Variants in ADAMTS9 observed in about 807,000 individuals in gnomAD.
ADAMTS9 encodes the protein A disintegrin and metalloproteinase with thrombospondin motifs 9.
A neutral mutation model predicts 257.1 loss-of-function variants in ADAMTS9; 107 were observed. The ratio of observed to expected loss-of-function variants is 0.42; its 90% confidence interval spans 0.36 to 0.49. The LOEUF is 0.49. ADAMTS9 is among the 20% of genes least tolerant of loss of function. The probability of loss-of-function intolerance (pLI) is 0.03; values close to 1 mark genes in which losing one functional copy is unlikely to be tolerated. For synonymous variants in ADAMTS9, 982 were observed against 880.9 expected (o/e 1.11, Z -2.03); for missense variants, 2,353 against 2,469.1 (o/e 0.95, Z 1.00).
At position 64,631,569 on chromosome 3, in the gene ADAMTS9, A is replaced by G. The variant is rs567307225; in HGVS notation, c.2294-19T>C. ...TTGTAACCTGAAAAGAATTTAGCAGAAATTCAGTACTCCACAGAATGGTTC... is the reference window on the plus strand; with the variant it reads ...TTGTAACCTGAAAAGAATTTAGCAGGAATTCAGTACTCCACAGAATGGTTC... On this transcript the variant is annotated intron_variant, in intron 15 of 39. Coordinates refer to ENST00000498707, the MANE Select transcript of ADAMTS9 (RefSeq NM_182920.2). The G allele has an allele frequency of 6.3e-7, 1 of 1,591,046 alleles. No homozygotes were observed. The highest frequency in any genetic ancestry group is 1.1e-5 in the South Asian group (1 of 90,592).
intron 3 of ADAMTS9, among the ~76,000 whole-genome samples, chr3:64,673,184 G>A (rs1701533950): frequency 6.6e-6 from 1 of 152,104 alleles, no homozygotes; most frequent in Non-Finnish European, 1.5e-5. Context: ...ATGCATGACG[G>A]CACTGTAAAT....
intron 20 of ADAMTS9, 150 bp from the exon 21 acceptor site, chr3:64,615,635 T>A: frequency 1.1e-6 from 1 of 896,058 alleles, no homozygotes; most frequent in Non-Finnish European, 1.6e-6. Context: ...TTTCATGTTA[T>A]CAGTTTGCTT....
intron 12 of ADAMTS9, among the ~76,000 whole-genome samples, chr3:64,637,800 G>C (rs957949216): frequency 7.9e-5 from 12 of 152,190 alleles, no homozygotes; most frequent in Non-Finnish European, 1.6e-4. Flanking sequence ...AGATTAGATG[G>C]GATGGGGTGG....
At chr3:64,599,611 C>T (rs12496008) in intron 26 of ADAMTS9, among the ~76,000 whole-genome samples, 34,578 of 152,078 alleles carry the variant, frequency 0.23, 4,402 homozygotes, top group Non-Finnish European at 0.27. Context: ...AGGTGGGCAA[C>T]TGGACTTTCC....
At chr3:64,520,673 C>T (rs2082838602) in intron 39 of ADAMTS9, among the ~76,000 whole-genome samples, 1 of 151,966 alleles carries the variant, frequency 6.6e-6, no homozygotes, top group Non-Finnish European at 1.5e-5. Flanking sequence ...GACTTCAACA[C>T]AATCAACAAA....
rs902858255 is a variant in ADAMTS9 at position 64,618,046 on chromosome 3, C to T, written c.2814-1876G>A. On this transcript the variant is annotated intron_variant, in intron 19 of 39. Coordinates refer to ENST00000498707, the MANE Select transcript of ADAMTS9 (RefSeq NM_182920.2). Reference sequence around the variant, plus strand: ...TTGTGTCGGTGTATTTTTCAGTGAACGATTTTATTTTCCCAACAATCTATA... The same window carrying T: ...TTGTGTCGGTGTATTTTTCAGTGAATGATTTTATTTTCCCAACAATCTATA... Among the ~76,000 whole-genome samples, 11 of 152,008 alleles carry T rather than the reference C, an allele frequency of 7.2e-5. No individual in the cohort carries two copies. The East Asian group carries it at 7.7e-4, about 11-fold the overall frequency.
chr3:64,638,093 T>C (rs1034806823), intron 12 of ADAMTS9, among the ~76,000 whole-genome samples: 3 of 152,194 alleles, frequency 2.0e-5, no homozygotes, highest in Admixed American at 2.0e-4. Context: ...GGGGGAAATA[T>C]CTAGTTCATA....
At chr3:64,631,581 C>T in intron 15 of ADAMTS9, 31 bp from the exon 16 acceptor site, 1 of 1,544,182 alleles carries the variant, frequency 6.5e-7, no homozygotes, top group Non-Finnish European at 9.0e-7. Context: ...ATTCAGTACT[C>T]CACAGAATGG....
At chr3:64,641,817 A>G (rs781707025) in intron 12 of ADAMTS9, 31 bp downstream of exon 12, 2 of 1,609,136 alleles carry the variant, frequency 1.2e-6, no homozygotes, top group South Asian at 1.1e-5. Context: ...CTGCCACGGC[A>G]GTAATAACAG....
At chr3:64,583,760 G>A (rs947687776) in intron 28 of ADAMTS9, 1 of 152,150 alleles carries the variant, frequency 6.6e-6, no homozygotes, top group Non-Finnish European at 1.5e-5. Flanking sequence ...AAATTGACTT[G>A]GTGAGGTCAG....
At chr3:64,587,981 A>G (rs1051890056) in intron 28 of ADAMTS9, 2 of 152,268 alleles carry the variant, frequency 1.3e-5, no homozygotes, top group East Asian at 1.9e-4. Context: ...TTCTCCACTC[A>G]TCCTGGCTCT....
At chr3:64,575,430 G>A (rs909216732) in intron 28 of ADAMTS9, among the ~76,000 whole-genome samples, 1 of 152,124 alleles carries the variant, frequency 6.6e-6, no homozygotes, top group Non-Finnish European at 1.5e-5. Context: ...CTAGGTTATG[G>A]TGTTGTTCAA....
intron 16 of ADAMTS9, among the ~76,000 whole-genome samples, chr3:64,623,263 C>T (rs1192339949): frequency 6.6e-6 from 1 of 152,168 alleles, no homozygotes; most frequent in East Asian, 1.9e-4. Flanking sequence ...AAGGCAAGGC[C>T]AAAGGCACTT....
At chr3:64,576,951 C>T (rs1320476819) in intron 28 of ADAMTS9, among the ~76,000 whole-genome samples, 3 of 152,124 alleles carry the variant, frequency 2.0e-5, no homozygotes, top group Non-Finnish European at 4.4e-5. Context: ...CCCAACGCCC[C>T]CAGGAATATG....
chr3:64,604,118 A>T, intron 24 of ADAMTS9, 29 bp from the exon 25 acceptor site: 1 of 1,612,620 alleles, frequency 6.2e-7, no homozygotes, highest in Non-Finnish European at 8.5e-7. Context: ...TCATGCAGTT[A>T]TATTACGTGG....
Position 64,687,724 on chromosome 3 carries a change from C to A in ADAMTS9, c.-67G>T. On this transcript the variant is annotated 5_prime_UTR_variant, in exon 1 of 40. Coordinates refer to ENST00000498707, the MANE Select transcript of ADAMTS9 (RefSeq NM_182920.2). This position sits in a 1 kb window ranked among gnomAD's most constrained non-coding sequence, Gnocchi z 4.4. Reference sequence around the variant, plus strand: ...CTCCTGCCCTCCTTGGCTGCGGCGGCGACGCGAGGCAGCGGCCGTGGAGAG... The same window carrying A: ...CTCCTGCCCTCCTTGGCTGCGGCGGAGACGCGAGGCAGCGGCCGTGGAGAG... 1 of 1,258,010 alleles carries A rather than the reference C, an allele frequency of 7.9e-7. No homozygotes were observed. The highest frequency in any genetic ancestry group is 1.1e-6 in the Non-Finnish European group (1 of 939,376). 77.9% of individuals were successfully genotyped at this position (1,258,010 alleles called of 1,614,324 possible).
At chr3:64,574,351 C>T (rs754324963) in intron 28 of ADAMTS9, among the ~76,000 whole-genome samples, 9 of 151,730 alleles carry the variant, frequency 5.9e-5, no homozygotes, top group East Asian at 3.9e-4. Flanking sequence ...TTTTTTGTAT[C>T]GATAAGGAGA....
At chr3:64,555,976 G>A (rs1477713403) in intron 30 of ADAMTS9, among the ~76,000 whole-genome samples, 1 of 152,156 alleles carries the variant, frequency 6.6e-6, no homozygotes. Flanking sequence ...GCAATAAAGA[G>A]TTCGTATCTG....
Position 64,537,648 on chromosome 3 carries a change from A to AAC in ADAMTS9, c.5613+1554_5613+1555insGT, listed in dbSNP as rs142006967. The stretch of plus-strand genomic sequence containing the variant: ...CGGACGTTCTCTGTAGTTGGGGGTA[A>AAC]ATCCATCCTATGGAGACAGGGCTTG... On this transcript the variant is annotated intron_variant, in intron 37 of 39. Coordinates refer to ENST00000498707, the MANE Select transcript of ADAMTS9 (RefSeq NM_182920.2). Among the ~76,000 whole-genome samples, 1,215 of 152,238 alleles carry AAC rather than the reference A, an allele frequency of 8.0e-3. 10 individuals are homozygous for AAC. Among genetic ancestry groups the AAC allele is most frequent in the African/African-American group, 0.027 (1,132 of 41,488 alleles).
Sources: allele counts gnomAD v4.1 joint callset (sites outside exome capture counted in the v4.1 genomes callset), GRCh38; gene constraint gnomAD v4.1.1; non-coding constraint Gnocchi (gnomAD v3.1); transcripts MANE v1.5; gene names NCBI Gene and HGNC (gene_info 2026-07-23, HGNC 2026-07-21).